The following SMCO4 variants were observed in gnomAD, a reference collection of about 807,000 sequenced individuals.
SMCO4 encodes single-pass membrane and coiled-coil domain-containing protein 4.
Under a neutral mutation model 3.6 loss-of-function variants are expected in SMCO4, and 4 were observed. That is an observed-to-expected ratio of 1.11 (90% confidence interval 0.54 to 2.53). The LOEUF (loss-of-function observed/expected upper bound fraction) is 2.53, where lower values mean the gene tolerates loss of function less well. Ranked by LOEUF, SMCO4 falls within the 30% of genes most tolerant of loss-of-function variation. The pLI, the probability that SMCO4 is intolerant of heterozygous loss-of-function variation, is 0.02. For missense variants in SMCO4, 70 were observed against 80.8 expected (o/e 0.87, Z 0.51); for synonymous variants, 36 against 35.3 (o/e 1.02, Z -0.07).
chr11:93,506,177 G>C (rs1948900365), intron 1 of SMCO4, among the ~76,000 whole-genome samples: 1 of 152,178 alleles, frequency 6.6e-6, no homozygotes, highest in African/African-American at 2.4e-5. Flanking sequence ...GAGGGGGCAT[G>C]GAGCCAAGAT....
At chr11:93,498,457 C>T (rs1344157742) in intron 2 of SMCO4, among the ~76,000 whole-genome samples, 2 of 152,136 alleles carry the variant, frequency 1.3e-5, no homozygotes, top group African/African-American at 4.8e-5. Flanking sequence ...GACCTAAAGC[C>T]CCCCACATGC....
At chr11:93,517,987 A>G (rs2134618137) in intron 1 of SMCO4, among the ~76,000 whole-genome samples, 1 of 152,380 alleles carries the variant, frequency 6.6e-6, no homozygotes, top group South Asian at 2.1e-4. Flanking sequence ...TTTAAAGTAC[A>G]TAATTCACGG....
the SMCO4 span, among the ~76,000 whole-genome samples, chr11:93,552,429 C>A: frequency 6.8e-6 from 1 of 146,566 alleles, no homozygotes; most frequent in Non-Finnish European, 1.5e-5. Flanking sequence ...CGTAGGCCAC[C>A]GTGCCCAGCC....
At chr11:93,539,379 G>C (rs577283652) in intron 1 of SMCO4, among the ~76,000 whole-genome samples, 1 of 152,260 alleles carries the variant, frequency 6.6e-6, no homozygotes, top group South Asian at 2.1e-4. Context: ...TAATGTAGGA[G>C]GACGGAAGGA....
intron 1 of SMCO4, among the ~76,000 whole-genome samples, chr11:93,514,041 T>C (rs1236420651): frequency 4.6e-5 from 7 of 152,164 alleles, no homozygotes; most frequent in Admixed American, 3.9e-4. Flanking sequence ...CAGACCTCCT[T>C]TGCATACTGC....
At chr11:93,481,999 A>G (rs1371478687) in intron 2 of SMCO4, among the ~76,000 whole-genome samples, 1 of 152,230 alleles carries the variant, frequency 6.6e-6, no homozygotes. Context: ...AGCCTCCACA[A>G]TGACCAGTTC....
chr11:93,552,244 C>CTGT, the SMCO4 span, among the ~76,000 whole-genome samples: 8 of 146,488 alleles, frequency 5.5e-5, no homozygotes, highest in South Asian at 1.8e-3. Context: ...GCAATCTCCT[C>CTGT]CTCCAGGGTT....
chr11:93,511,648 C>T (rs1260461048), intron 1 of SMCO4, among the ~76,000 whole-genome samples: 2 of 152,126 alleles, frequency 1.3e-5, no homozygotes, highest in African/African-American at 2.4e-5. Flanking sequence ...CTGTGTCCTA[C>T]GCAGGGTGTG....
chr11:93,513,075 A>G (rs1341848371), intron 1 of SMCO4, among the ~76,000 whole-genome samples: 1 of 152,222 alleles, frequency 6.6e-6, no homozygotes. Flanking sequence ...GGACCCATCA[A>G]TAGTGAAGAA....
At chr11:93,553,441 A>G in the SMCO4 span, among the ~76,000 whole-genome samples, 1,754 of 152,308 alleles carry the variant, frequency 0.012, 46 homozygotes, top group African/African-American at 0.04. Context: ...TGTTTGTACT[A>G]ACTTCCATTC....
chr11:93,550,770 G>A, the SMCO4 span, among the ~76,000 whole-genome samples: 1 of 152,084 alleles, frequency 6.6e-6, no homozygotes. Context: ...AAGGGAGCAG[G>A]GGAGCTCCAC....
At chr11:93,488,399 G>A (rs1184168391) in intron 2 of SMCO4, among the ~76,000 whole-genome samples, 4 of 152,196 alleles carry the variant, frequency 2.6e-5, no homozygotes, top group African/African-American at 7.2e-5. Context: ...GCTGTGAAAG[G>A]GCTAAGGCAA....
At chr11:93,506,078 T>C (rs1394211816) in intron 1 of SMCO4, among the ~76,000 whole-genome samples, 1 of 152,106 alleles carries the variant, frequency 6.6e-6, no homozygotes, top group Non-Finnish European at 1.5e-5. Flanking sequence ...CATACACACC[T>C]ATACATGTGT....
chr11:93,517,260 A>T (rs1386745624), intron 1 of SMCO4, among the ~76,000 whole-genome samples: 1 of 152,170 alleles, frequency 6.6e-6, no homozygotes, highest in Non-Finnish European at 1.5e-5. Flanking sequence ...AGAGCTCAGG[A>T]AGGGAAGTGG....
At chr11:93,529,830 A>C (rs79373157) in intron 1 of SMCO4, among the ~76,000 whole-genome samples, 4,904 of 152,254 alleles carry the variant, frequency 0.032, 214 homozygotes, top group African/African-American at 0.1. Context: ...CTTTTTAATG[A>C]CCAATACTCA....
At chr11:93,523,089 G>A (rs895129063) in intron 1 of SMCO4, among the ~76,000 whole-genome samples, 1 of 152,142 alleles carries the variant, frequency 6.6e-6, no homozygotes, top group South Asian at 2.1e-4. Context: ...AAAAACTAAT[G>A]TGGAAAGGAG....
At chr11:93,521,825 G>T (rs1224612400) in intron 1 of SMCO4, among the ~76,000 whole-genome samples, 1 of 152,246 alleles carries the variant, frequency 6.6e-6, no homozygotes, top group Admixed American at 6.5e-5. Flanking sequence ...CATCCCTGCC[G>T]CCAAGGACTT....
At chr11:93,508,550 T>G (rs1948929454) in intron 1 of SMCO4, among the ~76,000 whole-genome samples, 1 of 152,200 alleles carries the variant, frequency 6.6e-6, no homozygotes, top group African/African-American at 2.4e-5. Context: ...CAAATAGAAC[T>G]GCAACTGAAT....
intron 1 of SMCO4, among the ~76,000 whole-genome samples, chr11:93,537,432 TG>T (rs957661460): frequency 6.6e-6 from 1 of 152,170 alleles, no homozygotes; most frequent in Non-Finnish European, 1.5e-5. Flanking sequence ...GAAAAAAGGG[TG>T]ATAAATCAAT....
Sources: gnomAD v4.1 joint callset for allele counts (sites outside exome capture counted in the v4.1 genomes callset) on GRCh38, gnomAD v4.1.1 for gene constraint, MANE v1.5 for transcripts, NCBI Gene and HGNC (gene_info 2026-07-23, HGNC 2026-07-21) for gene names.